MAP3K20: variants seen among roughly 807,000 people sequenced by gnomAD.
MAP3K20 encodes HCCS-4.
A neutral mutation model predicts 85.7 loss-of-function variants in MAP3K20; 40 were observed. That is an observed-to-expected ratio of 0.47 (90% CI 0.36 to 0.61). The LOEUF (loss-of-function observed/expected upper bound fraction) is 0.61. MAP3K20 is among the 20% of genes least tolerant of loss of function. MAP3K20 has a pLI of 0.00. For missense variants in MAP3K20, 817 were observed against 961.7 expected, an observed-to-expected ratio of 0.85 and a Z score of 1.99; for synonymous variants, 325 against 327.7, an observed-to-expected ratio of 0.99 and a Z score of 0.09.
chr2:173,232,923 C>A (rs574919307), intron 14 of MAP3K20, among the ~76,000 whole-genome samples: 1 of 152,310 alleles, frequency 6.6e-6, no homozygotes, highest in African/African-American at 2.4e-5. Flanking sequence ...AGTTGATAAT[C>A]AGCAGCTGCC....
intron 10 of MAP3K20, chr2:173,215,623 T>TA (rs1046013002): frequency 6.6e-6 from 1 of 152,274 alleles, no homozygotes; most frequent in African/African-American, 2.4e-5. Context: ...AGAAGCTACT[T>TA]ACACCTGATT....
chr2:173,225,984 C>T, intron 11 of MAP3K20: 1 of 984,960 alleles, frequency 1.0e-6, no homozygotes, highest in Non-Finnish European at 1.2e-6. Context: ...TTTTTCTACT[C>T]ATTTTTGAAA....
chr2:173,213,153 T>A (rs565824539), intron 10 of MAP3K20, among the ~76,000 whole-genome samples: 8 of 152,224 alleles, frequency 5.3e-5, no homozygotes, highest in Admixed American at 6.5e-5. Flanking sequence ...TATTTGTATA[T>A]CTTTATTCCC....
chr2:173,223,439 TG>T, intron 11 of MAP3K20: 1 of 984,148 alleles, frequency 1.0e-6, no homozygotes, highest in Non-Finnish European at 1.2e-6. Context: ...AAGTGGCTAA[TG>T]TTAGCTACTA....
chr2:173,092,867 G>T (rs1438635365), intron 2 of MAP3K20, among the ~76,000 whole-genome samples: 2 of 152,156 alleles, frequency 1.3e-5, no homozygotes, highest in African/African-American at 4.8e-5. Flanking sequence ...GAAAGTGCAG[G>T]AGTGAAAGCA....
intron 12 of MAP3K20, among the ~76,000 whole-genome samples, chr2:173,230,986 G>C (rs748662362): frequency 6.6e-6 from 1 of 151,810 alleles, no homozygotes; most frequent in African/African-American, 2.4e-5. Flanking sequence ...ACAGAGCAAG[G>C]CTTCATCTCA....
In MAP3K20 at chr2:173,237,056, T is replaced by C. The variant is rs563576762; in HGVS notation, c.1204-1317T>C. Among the ~76,000 whole-genome samples the C allele has an allele frequency of 6.2e-5, 8 of 129,536 alleles. No individual in the cohort carries two copies. The South Asian group carries it at 1.9e-3, about 30-fold the overall frequency. 85.0% of individuals were successfully genotyped at this position (129,536 alleles called of 152,430 possible). A position where few individuals can be genotyped will look rare whatever the true frequency, so the allele number is the denominator to read the frequency against. On this transcript the variant is annotated intron_variant, in intron 14 of 19. Transcript: ENST00000375213. ...TTTTTTTTTTTTTTGAGCTGGAGTC[T>C]CACTGTGCCGCTCAGGCTGAAGTGC...
intron 16 of MAP3K20, among the ~76,000 whole-genome samples, chr2:173,253,940 A>C (rs1442284003): frequency 6.6e-6 from 1 of 152,000 alleles, no homozygotes; most frequent in Non-Finnish European, 1.5e-5. Flanking sequence ...GCATGGTGAC[A>C]CACGCCTGTG....
chr2:173,221,479 T>A (rs999412726), intron 11 of MAP3K20: 4 of 1,609,712 alleles, frequency 2.5e-6, no homozygotes, highest in Non-Finnish European at 3.4e-6. Flanking sequence ...GTGACGATGA[T>A]GATGATGATG....
intron 1 of MAP3K20, 115 bp from the exon 2 acceptor site, chr2:173,090,883 G>T: frequency 2.2e-6 from 3 of 1,369,298 alleles, no homozygotes; most frequent in South Asian, 1.9e-5. Context: ...CTAAGTCACC[G>T]TGACTTTCTG....
At chr2:173,121,364 C>T (rs529983608) in intron 2 of MAP3K20, among the ~76,000 whole-genome samples, 7 of 152,160 alleles carry the variant, frequency 4.6e-5, no homozygotes, top group African/African-American at 7.2e-5. Flanking sequence ...AAGATATTGT[C>T]GGAAACATTA....
intron 2 of MAP3K20, among the ~76,000 whole-genome samples, chr2:173,145,503 A>T (rs1315248422): frequency 6.6e-6 from 1 of 152,256 alleles, no homozygotes; most frequent in African/African-American, 2.4e-5. Flanking sequence ...TGAATAATCA[A>T]TAAGCATGTG....
At chr2:173,178,773 C>A (rs1690241409) in intron 3 of MAP3K20, among the ~76,000 whole-genome samples, 1 of 152,144 alleles carries the variant, frequency 6.6e-6, no homozygotes, top group African/African-American at 2.4e-5. Flanking sequence ...CATACTCTTT[C>A]AGAAAATAGA....
At chr2:173,109,478 T>G (rs924343521) in intron 2 of MAP3K20, among the ~76,000 whole-genome samples, 4 of 140,918 alleles carry the variant, frequency 2.8e-5, no homozygotes, top group Non-Finnish European at 6.4e-5. Context: ...ATTATGGTGG[T>G]TTTTTTTTTT....
intron 2 of MAP3K20, among the ~76,000 whole-genome samples, chr2:173,127,953 A>G (rs1688491252): frequency 6.6e-6 from 1 of 152,198 alleles, no homozygotes; most frequent in South Asian, 2.1e-4. Flanking sequence ...AAAGTCATAT[A>G]GTTAGTAAGT....
intron 9 of MAP3K20, among the ~76,000 whole-genome samples, chr2:173,207,295 C>A (rs765835992): frequency 7.9e-5 from 12 of 152,114 alleles, no homozygotes; most frequent in Non-Finnish European, 1.3e-4. Context: ...GAGTTGGACA[C>A]CAGCCAGGCA....
intron 18 of MAP3K20, 88 bp downstream of exon 18, chr2:173,261,225 G>A: frequency 7.3e-7 from 1 of 1,362,146 alleles, no homozygotes; most frequent in Non-Finnish European, 1.0e-6. Flanking sequence ...TAATTTATTG[G>A]GAGATATACC....
At chr2:173,227,277 AAAT>A in intron 11 of MAP3K20, 1 of 400,830 alleles carries the variant, frequency 2.5e-6, no homozygotes, top group Non-Finnish European at 3.4e-6. Flanking sequence ...GTGGGAGTGT[AAAT>A]AATAAATTTG....
At chr2:173,223,587 C>G (rs1684308324) in intron 11 of MAP3K20, 1 of 985,294 alleles carries the variant, frequency 1.0e-6, no homozygotes, top group Non-Finnish European at 1.2e-6. Context: ...ATAAAGAGAA[C>G]ATGCTTAGAA....
Sources: gnomAD v4.1 joint callset for allele counts (sites outside exome capture counted in the v4.1 genomes callset) on GRCh38, gnomAD v4.1.1 for gene constraint, MANE v1.5 for transcripts, NCBI Gene and HGNC (gene_info 2026-07-23, HGNC 2026-07-21) for gene names.